APOO: variants seen among roughly 807,000 people sequenced by gnomAD.
APOO encodes the protein apolipoprotein O.
A neutral mutation model predicts 23.1 loss-of-function variants in APOO; 11 were observed. The ratio of observed to expected loss-of-function variants is 0.48; its 90% CI spans 0.30 to 0.79. The LOEUF (loss-of-function observed/expected upper bound fraction) is 0.79, where lower values mean the gene tolerates loss of function less well. Among genes scored for constraint, APOO ranks in the 30% least tolerant of loss-of-function variants. The pLI is 0.07. For missense variants in APOO, 160 were observed against 142.7 expected, an observed-to-expected ratio of 1.12 and a Z score of -0.62; for synonymous variants, 59 against 54.8, an observed-to-expected ratio of 1.08 and a Z score of -0.34.
intron 7 of APOO, among the ~76,000 whole-genome samples, chrX:23,853,368 A>G (rs951733343): frequency 8.9e-6 from 1 of 112,037 alleles, no homozygotes; most frequent in Admixed American, 9.5e-5. Flanking sequence ...CCACTTCATT[A>G]TATCAAGTAA....
Position 23,868,263 on chromosome X carries a change from T to A in APOO, c.388+330A>T, listed in dbSNP as rs1430537200. Among the ~76,000 whole-genome samples the A allele has an allele frequency of 9.8e-5, 11 of 112,282 alleles. No individual in the cohort carries two copies. The Admixed American group carries it at 1.0e-3, about 11-fold the overall frequency. On this transcript the variant is annotated intron_variant, in intron 5 of 8. Transcript: ENST00000379226. ...ACTGCTCTATCTACTGTGATTAATA[T>A]AGCTTGATCTTAATAGTGAAACGTT...
intron 6 of APOO, among the ~76,000 whole-genome samples, chrX:23,857,255 T>TA (rs11410849): frequency 0.42 from 37,648 of 90,333 alleles, 8,041 homozygotes; most frequent in African/African-American, 0.75. Context: ...GAAAGAAATT[T>TA]AAAAAAAAAA....
At chrX:23,858,425 G>A (rs962443194) in intron 6 of APOO, among the ~76,000 whole-genome samples, 2 of 112,038 alleles carry the variant, frequency 1.8e-5, no homozygotes, top group Non-Finnish European at 3.8e-5. Context: ...ACGCAAATTC[G>A]TGTTCAAATT....
chrX:23,906,971 T>C (rs1927385360), intron 1 of APOO, among the ~76,000 whole-genome samples: 1 of 112,913 alleles, frequency 8.9e-6, no homozygotes, highest in South Asian at 3.6e-4. Context: ...ACTATGCTTC[T>C]TGAAGACTCA....
chrX:23,896,208 C>T (rs1926897173), intron 1 of APOO, among the ~76,000 whole-genome samples: 1 of 109,317 alleles, frequency 9.1e-6, no homozygotes, highest in African/African-American at 3.3e-5. Flanking sequence ...ATGGAGGTTG[C>T]GGTGAACGAA....
rs1926145384 is a variant in APOO at position 23,881,725 on chromosome X, T to A, written c.10-773A>T. 3.0e-5 allele frequency among the ~76,000 whole-genome samples: 3 copies of A among 101,011 alleles called. No individual in the cohort carries two copies. The South Asian group carries it at 1.4e-3, about 47-fold the overall frequency. The allele number at this position is 101,011 out of a possible 115,157, so 87.7% of individuals were successfully genotyped here. A position where few individuals can be genotyped will look rare whatever the true frequency, so the allele number is the denominator to read the frequency against. On this transcript the variant is annotated intron_variant, in intron 1 of 8. Coordinates refer to ENST00000379226, the MANE Select transcript of APOO (RefSeq NM_024122.5). Reference sequence around the variant, plus strand: ...AGAGGCGGGTGGGTGGATCACCAGGTCAGGCATTCGAGACCAGCCTGGCCA... The same window carrying A: ...AGAGGCGGGTGGGTGGATCACCAGGACAGGCATTCGAGACCAGCCTGGCCA...
chrX:23,873,827 G>A (rs755392095), intron 4 of APOO, among the ~76,000 whole-genome samples: 7 of 111,127 alleles, frequency 6.3e-5, no homozygotes, highest in Non-Finnish European at 5.7e-5. Context: ...AAATATGATC[G>A]GTATCTTTAT....
At chrX:23,892,382 G>T (rs760015745) in intron 1 of APOO, among the ~76,000 whole-genome samples, 1 of 109,770 alleles carries the variant, frequency 9.1e-6, no homozygotes, top group African/African-American at 3.3e-5. Flanking sequence ...AGCCTCCCAA[G>T]TAGCTGGCAT....
At position 23,845,410 on chromosome X, in the gene APOO, C is replaced by T. The variant is rs1421232720; in HGVS notation, c.562-5033G>A. Among the ~76,000 whole-genome samples the T allele has an allele frequency of 3.6e-5, 4 of 111,564 alleles. No homozygotes were observed. The Admixed American group carries it at 3.8e-4, about 11-fold the overall frequency. On this transcript the variant is annotated intron_variant, in intron 7 of 8. Transcript: ENST00000379226. ...TTGGCAGATTTTTAAGTGTACAATA[C>T]GGTACTGTTATCTATAGGCACAGTG...
At chrX:23,890,624 T>G (rs767218769) in intron 1 of APOO, among the ~76,000 whole-genome samples, 1 of 112,412 alleles carries the variant, frequency 8.9e-6, no homozygotes, top group South Asian at 3.6e-4. Flanking sequence ...TCACTTTCAG[T>G]GCAGTATTCA....
At chrX:23,851,428 C>T (rs1028701327) in intron 7 of APOO, among the ~76,000 whole-genome samples, 3 of 111,758 alleles carry the variant, frequency 2.7e-5, no homozygotes, top group Non-Finnish European at 3.8e-5. Context: ...CTCCTGACCT[C>T]GTCATCCACC....
chrX:23,907,654 A>G, intron 1 of APOO, 40 bp downstream of exon 1: 1 of 1,145,230 alleles, frequency 8.7e-7, no homozygotes, highest in Non-Finnish European at 1.2e-6. Context: ...GGCGGCCGGG[A>G]GGGGGCGGTG....
chrX:23,871,148 G>A (rs905770167), intron 4 of APOO, among the ~76,000 whole-genome samples: 2 of 101,820 alleles, frequency 2.0e-5, no homozygotes, highest in Non-Finnish European at 2.0e-5. Flanking sequence ...AATACTGGAT[G>A]TATTCCATCC....
Position 23,907,905 on chromosome X carries a change from G to A in APOO, c.-203C>T, listed in dbSNP as rs1927448999. The A allele has an allele frequency of 4.8e-6, 2 of 413,094 alleles. No individual in the cohort carries two copies. The highest frequency in any genetic ancestry group is 5.2e-5 in the Admixed American group (1 of 19,405). The allele number at this position is 413,094 out of a possible 1,213,427, so 34.0% of individuals were successfully genotyped here. ...CTAGAAGCCGCGTCGCTGAGCCGCA[G>A]CGCGTCGCGCCCGGGCAGCGGGTGA... is the stretch of plus-strand genomic sequence containing the variant. On this transcript the variant is annotated 5_prime_UTR_variant, in exon 1 of 9. Transcript: ENST00000379226.
intron 7 of APOO, among the ~76,000 whole-genome samples, chrX:23,841,293 T>G: frequency 9.1e-6 from 1 of 109,910 alleles, no homozygotes; most frequent in South Asian, 3.9e-4. Flanking sequence ...GGCTGAGAAC[T>G]GGTCTATAAG....
intron 7 of APOO, chrX:23,840,680 G>C: frequency 1.6e-5 from 3 of 188,044 alleles, no homozygotes; most frequent in Non-Finnish European, 2.9e-5. Context: ...GGCAGAGAGA[G>C]CAGGAAATAA....
rs181150230 is a variant in APOO at position 23,857,796 on chromosome X, T to G, written c.480+846A>C. 4.4e-3 allele frequency among the ~76,000 whole-genome samples: 485 copies of G among 111,464 alleles called. 1 individual carries two copies. Among genetic ancestry groups the G allele is most frequent in the Non-Finnish European group, 6.1e-3 (324 of 53,113 alleles). ...AGCCTGTCTTGTTCTTACCAGTTCCTGAGGGACACCATCTCTAGAGTCCCA... is the reference window on the plus strand; with the variant it reads ...AGCCTGTCTTGTTCTTACCAGTTCCGGAGGGACACCATCTCTAGAGTCCCA... On this transcript the variant is annotated intron_variant, in intron 6 of 8. Coordinates refer to ENST00000379226, the MANE Select transcript of APOO (RefSeq NM_024122.5).
intron 5 of APOO, among the ~76,000 whole-genome samples, chrX:23,863,055 T>C (rs930241900): frequency 2.7e-5 from 3 of 111,939 alleles, no homozygotes; most frequent in Non-Finnish European, 5.7e-5. Flanking sequence ...TATCCAAGGC[T>C]GGGCATGGTG....
chrX:23,895,908 T>C (rs1926882633), intron 1 of APOO, among the ~76,000 whole-genome samples: 1 of 108,754 alleles, frequency 9.2e-6, no homozygotes, highest in African/African-American at 3.4e-5. Context: ...ACTTGTAGTA[T>C]GATTCCACCG....
Sources: gnomAD v4.1 joint callset for allele counts (sites outside exome capture counted in the v4.1 genomes callset) on GRCh38, gnomAD v4.1.1 for gene constraint, MANE v1.5 for transcripts, NCBI Gene and HGNC (gene_info 2026-07-23, HGNC 2026-07-21) for gene names.